The following UGT1A10 variants were observed in gnomAD, a reference collection of about 807,000 sequenced individuals.
UGT1A10 encodes UDP-glucuronosyltransferase 1A10.
Under a neutral mutation model 45.8 loss-of-function variants are expected in UGT1A10, and 49 were observed. That is an observed-to-expected ratio of 1.07 (90% CI 0.85 to 1.36). UGT1A10 has a LOEUF of 1.36. UGT1A10 is among the 40% of genes most tolerant of loss of function. UGT1A10 has a pLI of 0.00. For synonymous variants in UGT1A10, 284 were observed against 249.7 expected (o/e 1.14, Z -1.29); for missense variants, 745 against 668.6 (o/e 1.11, Z -1.26).
At chr2:233,699,044 G>A (rs1467875963) in intron 1 of UGT1A10, among the ~76,000 whole-genome samples, 1 of 152,200 alleles carries the variant, frequency 6.6e-6, no homozygotes, top group Non-Finnish European at 1.5e-5. Context: ...CAGATGTCCT[G>A]AAACAACTTA....
At chr2:233,709,190 T>C (rs2076063708) in intron 1 of UGT1A10, among the ~76,000 whole-genome samples, 2 of 152,114 alleles carry the variant, frequency 1.3e-5, no homozygotes, top group East Asian at 3.9e-4. Flanking sequence ...GAGCTGGGAG[T>C]GGATCCTCAC....
rs1212901051 is a variant in UGT1A10 at position 233,697,502 on chromosome 2, C to CT, written c.855+60138dup. Among the ~76,000 whole-genome samples the CT allele has an allele frequency of 9.7e-3, 1,385 of 142,280 alleles. 7 individuals carry two copies. Among genetic ancestry groups the CT allele is most frequent in the African/African-American group, 0.02 (766 of 39,092 alleles). The allele number at this position is 142,280 out of a possible 152,430, so 93.3% of individuals were successfully genotyped here. A position where few individuals can be genotyped will look rare whatever the true frequency, so the allele number is the denominator to read the frequency against. On this transcript the variant is annotated intron_variant, in intron 1 of 4. Transcript: ENST00000344644. Reference sequence around the variant, plus strand: ...CTCAAGGTTTGCCAATTTTGTTTATCTTTTTTTTTTTTTAAAAAACTTTTT... The same window carrying CT: ...CTCAAGGTTTGCCAATTTTGTTTATCTTTTTTTTTTTTTTAAAAAACTTTTT...
rs377755645 is a variant in UGT1A10, at chr2:233,743,742, C to T, written c.856-23292C>T. The T allele has an allele frequency of 2.5e-5, 34 of 1,367,276 alleles. No homozygotes were observed. In the South Asian group the frequency reaches 3.5e-4, roughly 14 times the overall value. The allele number at this position is 1,367,276 out of a possible 1,614,324, so 84.7% of individuals were successfully genotyped here. On this transcript the variant is annotated intron_variant, in intron 1 of 4. Coordinates refer to ENST00000344644, the MANE Select transcript of UGT1A10 (RefSeq NM_019075.4). ...CGGTCATAGATATCGCGTTTCTTGG[C>T]GTCCGACAACACCTCGTAGGCCTCG...
intron 1 of UGT1A10, chr2:233,729,094 G>T: frequency 9.9e-6 from 16 of 1,612,652 alleles, no homozygotes; most frequent in Non-Finnish European, 1.4e-5. Flanking sequence ...ACAGCGTGGG[G>T]TGGACAGTCA....
Position 233,659,903 on chromosome 2 carries a change from C to G in UGT1A10, c.855+22526C>G, listed in dbSNP as rs957515344. 1.4e-4 allele frequency among the ~76,000 whole-genome samples: 21 copies of G among 152,322 alleles called. No homozygotes were observed. The South Asian group carries it at 3.9e-3, about 29-fold the overall frequency. On this transcript the variant is annotated intron_variant, in intron 1 of 4. Coordinates refer to ENST00000344644, the MANE Select transcript of UGT1A10 (RefSeq NM_019075.4). ...ACTGCTTCTTCTGTATCTTCTTCCT[C>G]ATTGTCTGGTACTGATTCAAAAGCA...
At chr2:233,719,240 C>A in intron 1 of UGT1A10, 8 of 1,614,156 alleles carry the variant, frequency 5.0e-6, no homozygotes, top group African/African-American at 1.3e-5. Flanking sequence ...TGATCAGGCA[C>A]CTGAATGCTA....
At chr2:233,719,211 C>A in intron 1 of UGT1A10, 1 of 1,614,194 alleles carries the variant, frequency 6.2e-7, no homozygotes, top group Non-Finnish European at 8.5e-7. Flanking sequence ...TTGTGTGGAG[C>A]TACTGCATAA....
At chr2:233,693,568 T>A (rs879089605) in intron 1 of UGT1A10, 1 of 1,614,242 alleles carries the variant, frequency 6.2e-7, no homozygotes, top group South Asian at 1.1e-5. Context: ...GCCCAGACCC[T>A]GTGTCCTACA....
Position 233,767,047 on chromosome 2 carries a change from A to G in UGT1A10, c.869A>G (p.Tyr290Cys). Residue 290 changes from tyrosine to cysteine, a missense_variant, in exon 2 of 5, where the codon TAC (tyrosine) becomes TGC (cysteine). Physicochemically the swap from Tyr to Cys is radical, Grantham distance 194. Coordinates refer to ENST00000344644, the MANE Select transcript of UGT1A10 (RefSeq NM_019075.4). The stretch of plus-strand genomic sequence containing the variant: ...TTCTGGCTCTAGGAATTTGAAGCCT[A>G]CATTAATGCTTCTGGAGAACATGGA... Reference protein sequence around the residue: ...GKPLPMEFEAYINASGEHGIV... With the variant: ...GKPLPMEFEACINASGEHGIV... The G allele has an allele frequency of 6.2e-7, 1 of 1,614,154 alleles. No homozygotes were observed. The highest frequency in any genetic ancestry group is 8.5e-7 in the Non-Finnish European group (1 of 1,180,014).
intron 1 of UGT1A10, chr2:233,693,974 C>A: frequency 6.4e-7 from 1 of 1,566,540 alleles, no homozygotes; most frequent in Non-Finnish European, 8.6e-7. Context: ...CCTGGAGAAA[C>A]GGTGGGGGGA....
chr2:233,696,295 C>T (rs1346602258), intron 1 of UGT1A10, among the ~76,000 whole-genome samples: 7 of 152,172 alleles, frequency 4.6e-5, no homozygotes, highest in African/African-American at 1.2e-4. Flanking sequence ...ACTGTAATAT[C>T]GTGAAATATA....
chr2:233,720,890 T>C (rs2076904150), intron 1 of UGT1A10, among the ~76,000 whole-genome samples: 1 of 149,554 alleles, frequency 6.7e-6, no homozygotes, highest in South Asian at 2.1e-4. Context: ...TTTTTTTTTT[T>C]AGTAGAGATG....
In UGT1A10 at chr2:233,680,118, A is replaced by G. The variant is rs180960924; in HGVS notation, c.855+42741A>G. The stretch of plus-strand genomic sequence containing the variant: ...CAATCATAGCGGCAGAGCTCAATCT[A>G]CGGTACCTATCAAGTAATTCAAGTT... On this transcript the variant is annotated intron_variant, in intron 1 of 4. Coordinates refer to ENST00000344644, the MANE Select transcript of UGT1A10 (RefSeq NM_019075.4). Among the ~76,000 whole-genome samples, 32 of 152,110 alleles carry G rather than the reference A, an allele frequency of 2.1e-4. No homozygotes were observed. In the East Asian group the frequency reaches 6.2e-3, roughly 29 times the overall value.
chr2:233,679,288 C>T (rs760251029), intron 1 of UGT1A10, among the ~76,000 whole-genome samples: 3 of 152,298 alleles, frequency 2.0e-5, no homozygotes, highest in Non-Finnish European at 4.4e-5. Flanking sequence ...TCTGCCTTCA[C>T]GGACAAAGCC....
chr2:233,700,505 G>C (rs2075568834), intron 1 of UGT1A10, among the ~76,000 whole-genome samples: 1 of 152,100 alleles, frequency 6.6e-6, no homozygotes, highest in Non-Finnish European at 1.5e-5. Flanking sequence ...CTAGAAACTT[G>C]ACTGTCTAGT....
At chr2:233,745,689 T>C (rs1218366980) in intron 1 of UGT1A10, among the ~76,000 whole-genome samples, 4 of 149,704 alleles carry the variant, frequency 2.7e-5, no homozygotes, top group African/African-American at 1.0e-4. Flanking sequence ...CAAAGCAAGT[T>C]TGGAGAACAA....
rs879425971 is a variant in UGT1A10, at chr2:233,674,614, T to C, written c.855+37237T>C. Among the ~76,000 whole-genome samples, 3 of 151,200 alleles carry C rather than the reference T, an allele frequency of 2.0e-5. No individual in the cohort carries two copies. In the East Asian group the frequency reaches 5.8e-4, roughly 29 times the overall value. ...ATCTATAAAATATGAAACATCAAACTATATATGGTTTCATTTATTTTGATT... is the reference window on the plus strand; with the variant it reads ...ATCTATAAAATATGAAACATCAAACCATATATGGTTTCATTTATTTTGATT... On this transcript the variant is annotated intron_variant, in intron 1 of 4. Transcript: ENST00000344644.
intron 1 of UGT1A10, among the ~76,000 whole-genome samples, chr2:233,742,305 A>G (rs1353036304): frequency 6.6e-6 from 1 of 152,010 alleles, no homozygotes; most frequent in African/African-American, 2.4e-5. Context: ...AGATTAACTA[A>G]AAGTATTCCT....
chr2:233,737,160 G>A (rs1247160772), intron 1 of UGT1A10, among the ~76,000 whole-genome samples: 1 of 152,224 alleles, frequency 6.6e-6, no homozygotes, highest in Non-Finnish European at 1.5e-5. Flanking sequence ...CCTGCCCACA[G>A]AGGTGGAGTC....
Sources: allele counts gnomAD v4.1 joint callset (sites outside exome capture counted in the v4.1 genomes callset), GRCh38; gene constraint gnomAD v4.1.1; transcripts MANE v1.5; gene names NCBI Gene and HGNC (gene_info 2026-07-23, HGNC 2026-07-21).